Variants in DENND5B observed in about 807,000 individuals in gnomAD.
DENND5B encodes the protein DENN domain-containing protein 5B.
DENND5B carries 34 observed loss-of-function variants against 140.6 expected under a neutral mutation model. The observed-to-expected ratio is 0.24, with a 90% CI of 0.18 to 0.32. The LOEUF (loss-of-function observed/expected upper bound fraction) is 0.32. Ranked by LOEUF, DENND5B falls within the 10% of genes least tolerant of loss-of-function variation. The pLI is 1.00. For synonymous variants in DENND5B, 551 were observed against 562.1 expected (o/e 0.98, Z 0.28); for missense variants, 1,142 against 1,560.2 (o/e 0.73, Z 4.52).
chr12:31,568,251 T>G (rs1428398930), intron 1 of DENND5B, among the ~76,000 whole-genome samples: 1 of 152,218 alleles, frequency 6.6e-6, no homozygotes, highest in Non-Finnish European at 1.5e-5. Flanking sequence ...TAAGTGAATT[T>G]CATGTTTAGA....
At chr12:31,524,041 CTTTTTTTTTTT>C (rs148193944) in intron 1 of DENND5B, among the ~76,000 whole-genome samples, 1 of 121,570 alleles carries the variant, frequency 8.2e-6, no homozygotes, top group African/African-American at 3.2e-5. Flanking sequence ...CTACTGAGCC[CTTTTTTTTTTT>C]TTTTTTTTTT....
At chr12:31,439,643 A>C (rs2137937533) in intron 7 of DENND5B, among the ~76,000 whole-genome samples, 1 of 151,986 alleles carries the variant, frequency 6.6e-6, no homozygotes, top group African/African-American at 2.4e-5. Flanking sequence ...AAAAGGAAAA[A>C]AAAGCACCGG....
chr12:31,512,823 A>G (rs961159909), intron 1 of DENND5B, among the ~76,000 whole-genome samples: 27 of 152,222 alleles, frequency 1.8e-4, no homozygotes, highest in Admixed American at 5.2e-4. Context: ...GGAAAATAGT[A>G]AAGTTTCCAC....
At chr12:31,486,044 G>C in intron 2 of DENND5B, among the ~76,000 whole-genome samples, 1 of 152,164 alleles carries the variant, frequency 6.6e-6, no homozygotes, top group East Asian at 1.9e-4. Flanking sequence ...TGATTTTGTT[G>C]CTTTAAATCA....
intron 1 of DENND5B, among the ~76,000 whole-genome samples, chr12:31,543,877 T>C (rs2139186924): frequency 6.6e-6 from 1 of 152,310 alleles, no homozygotes; most frequent in East Asian, 1.9e-4. Context: ...TGATTTAAAT[T>C]TACTAAATAT....
intron 1 of DENND5B, among the ~76,000 whole-genome samples, chr12:31,573,830 A>G (rs907650466): frequency 2.0e-5 from 3 of 152,170 alleles, no homozygotes; most frequent in Non-Finnish European, 4.4e-5. Context: ...GGTGCACGCC[A>G]TTAGTCCCAG....
intron 1 of DENND5B, among the ~76,000 whole-genome samples, chr12:31,513,523 A>G (rs1016025268): frequency 1.3e-5 from 2 of 152,130 alleles, no homozygotes; most frequent in African/African-American, 4.8e-5. Context: ...GGACTCATGC[A>G]TATTTATTTT....
At chr12:31,388,622 A>G (rs532110110) in intron 20 of DENND5B, among the ~76,000 whole-genome samples, 1 of 152,130 alleles carries the variant, frequency 6.6e-6, no homozygotes, top group South Asian at 2.1e-4. Flanking sequence ...GAAAAAACAA[A>G]TACTACATGG....
chr12:31,440,910 A>G (rs2137958388), intron 7 of DENND5B, among the ~76,000 whole-genome samples: 1 of 152,186 alleles, frequency 6.6e-6, no homozygotes, highest in Non-Finnish European at 1.5e-5. Context: ...TAATTTTTGT[A>G]TTTTTAGTAG....
chr12:31,452,270 C>T lies in DENND5B; in HGVS notation c.1299G>A (p.Lys433=). The T allele has an allele frequency of 6.2e-7, 1 of 1,613,946 alleles. No homozygotes were observed. Among genetic ancestry groups the T allele is most frequent in the Non-Finnish European group, 8.5e-7 (1 of 1,179,890 alleles). The change falls in exon 5 of 21, where the codon AAG becomes AAA. Residue 433 remains lysine (K), a synonymous_variant. Transcript: ENST00000389082. The part of the protein sequence containing the change: ...MVLKDLVNDK[K]NGNVCTNNIS... ...TGTTATTAGTACAGACATTGCCGTT[C>T]TTTTTGTCATTGACCAAGTCTTTCA...
At chr12:31,469,644 TGGTGCTAC>T (rs2138390963) in intron 3 of DENND5B, among the ~76,000 whole-genome samples, 1 of 152,304 alleles carries the variant, frequency 6.6e-6, no homozygotes, top group South Asian at 2.1e-4. Context: ...GTATGTGGCC[TGGTGCTAC>T]GGTTTGGACA....
At chr12:31,487,546 C>T (rs1010015345) in intron 2 of DENND5B, among the ~76,000 whole-genome samples, 10 of 151,898 alleles carry the variant, frequency 6.6e-5, no homozygotes, top group Admixed American at 4.6e-4. Flanking sequence ...ACTAAAAATA[C>T]AAAAAATTAG....
At chr12:31,537,375 T>C (rs529876235) in intron 1 of DENND5B, among the ~76,000 whole-genome samples, 4 of 152,288 alleles carry the variant, frequency 2.6e-5, no homozygotes, top group South Asian at 4.1e-4. Flanking sequence ...TGTGTGTTTA[T>C]GAAAACAGTG....
At chr12:31,551,805 T>G (rs1949072449) in intron 1 of DENND5B, among the ~76,000 whole-genome samples, 1 of 152,362 alleles carries the variant, frequency 6.6e-6, no homozygotes, top group South Asian at 2.1e-4. Context: ...GATTCCTAGG[T>G]ATTTTATTCT....
chr12:31,428,985 C>A (rs1726812031), intron 8 of DENND5B, among the ~76,000 whole-genome samples: 1 of 152,134 alleles, frequency 6.6e-6, no homozygotes, highest in Non-Finnish European at 1.5e-5. Flanking sequence ...CCCGCCTCGG[C>A]CTCCCAAAGT....
intron 9 of DENND5B, 115 bp downstream of exon 9, chr12:31,426,178 A>C (rs928289977): frequency 5.4e-6 from 7 of 1,290,326 alleles, no homozygotes; most frequent in Non-Finnish European, 7.2e-6. Flanking sequence ...GCCACAGTAA[A>C]AGTTTTCTTC....
intron 11 of DENND5B, 25 bp downstream of exon 11, chr12:31,423,572 T>C: frequency 6.2e-7 from 1 of 1,611,692 alleles, no homozygotes; most frequent in Non-Finnish European, 8.5e-7. Context: ...CCAGTGCTGC[T>C]AGTTCTTTAC....
chr12:31,449,119 T>C (rs1202040692), intron 5 of DENND5B, among the ~76,000 whole-genome samples: 3 of 152,124 alleles, frequency 2.0e-5, no homozygotes, highest in Non-Finnish European at 4.4e-5. Flanking sequence ...GGTTGCTGGG[T>C]TGGTTTTTAT....
chr12:31,552,150 A>G (rs1949088065), intron 1 of DENND5B, among the ~76,000 whole-genome samples: 1 of 152,196 alleles, frequency 6.6e-6, no homozygotes, highest in African/African-American at 2.4e-5. Context: ...GCCTGTTTTC[A>G]AAGGGAATGC....
Sources: allele counts gnomAD v4.1 joint callset (sites outside exome capture counted in the v4.1 genomes callset), GRCh38; gene constraint gnomAD v4.1.1; transcripts MANE v1.5; gene names NCBI Gene and HGNC (gene_info 2026-07-23, HGNC 2026-07-21).